Variants in OGFRL1 observed in about 807,000 individuals in gnomAD.
OGFRL1 encodes the protein opioid growth factor receptor like 1.
In OGFRL1, 26 loss-of-function variants were observed where a neutral mutation model predicts 32.4. That is an observed-to-expected ratio of 0.80 (90% CI 0.59 to 1.11). The LOEUF (loss-of-function observed/expected upper bound fraction) is 1.11. Among genes scored for constraint, OGFRL1 ranks in the 50% most tolerant of loss-of-function variants. The pLI is 0.00. For missense variants in OGFRL1, 521 were observed against 546.4 expected, an observed-to-expected ratio of 0.95 and a Z score of 0.46; for synonymous variants, 211 against 201.2, an observed-to-expected ratio of 1.05 and a Z score of -0.41.
chr6:71,296,469 A>G (rs1766213485), intron 4 of OGFRL1, 26 bp from the exon 5 acceptor site: 2 of 1,595,710 alleles, frequency 1.3e-6, no homozygotes, highest in Admixed American at 3.4e-5. Flanking sequence ...GTTAATAGAA[A>G]AATTTTATTT....
chr6:71,289,234 G>A (rs1765961308), intron 1 of OGFRL1, 64 bp downstream of exon 1: 2 of 1,031,154 alleles, frequency 1.9e-6, no homozygotes, highest in Non-Finnish European at 2.3e-6. Flanking sequence ...AGGGGCAAGT[G>A]CCAAGCCGCC....
At chr6:71,293,252 C>A in intron 1 of OGFRL1, 41 bp from the exon 2 acceptor site, 1 of 1,515,842 alleles carries the variant, frequency 6.6e-7, no homozygotes, top group Admixed American at 1.8e-5. Context: ...GTGAAATTAT[C>A]TTGCGTCAAC....
In OGFRL1 at chr6:71,303,499, A is replaced by C. The variant is rs1766461095; in HGVS notation, c.*1450A>C. The C allele has an allele frequency of 6.6e-6, 1 of 152,204 alleles. No homozygotes were observed. The highest frequency in any genetic ancestry group is 1.5e-5 in the Non-Finnish European group (1 of 68,020). The allele number at this position is 152,204 out of a possible 1,614,324, so 9.4% of individuals were successfully genotyped here. Reference sequence around the variant, plus strand: ...TTGCTCTCTATGGCTGTTCCATATAAATTTGATGGTTGATTCTGAATGTAA... The same window carrying C: ...TTGCTCTCTATGGCTGTTCCATATACATTTGATGGTTGATTCTGAATGTAA... On this transcript the variant is annotated 3_prime_UTR_variant, in exon 7 of 7. Coordinates refer to ENST00000370435, the MANE Select transcript of OGFRL1 (RefSeq NM_024576.5).
intron 3 of OGFRL1, 40 bp downstream of exon 3, chr6:71,293,651 T>C: frequency 7.8e-7 from 1 of 1,276,660 alleles, no homozygotes; most frequent in Non-Finnish European, 1.1e-6. Flanking sequence ...CTTTAAATAA[T>C]CACATACACT....
Position 71,288,877 on chromosome 6 carries a change from G to A in OGFRL1, c.-60G>A. ...GCCGCGGCCATGCCCGGGCCCTAGA[G>A]CGCCTGCCGCAGCTTGCGCCCCGCA... On this transcript the variant is annotated 5_prime_UTR_variant, in exon 1 of 7. Transcript: ENST00000370435. 8.5e-7 allele frequency: 1 copy of A among 1,177,426 alleles called. No homozygotes were observed. The highest frequency in any genetic ancestry group is 1.1e-6 in the Non-Finnish European group (1 of 940,420). 72.9% of individuals were successfully genotyped at this position (1,177,426 alleles called of 1,614,324 possible).
At position 71,289,136 on chromosome 6, in the gene OGFRL1, C is replaced by G. The variant is rs1015084837; in HGVS notation, c.200C>G (p.Pro67Arg). 16 of 1,100,760 alleles carry G rather than the reference C, an allele frequency of 1.5e-5. No homozygotes were observed. The highest frequency in any genetic ancestry group is 1.8e-5 in the Non-Finnish European group (16 of 906,416). 68.2% of individuals were successfully genotyped at this position (1,100,760 alleles called of 1,614,324 possible). A position where few individuals can be genotyped will look rare whatever the true frequency, so the allele number is the denominator to read the frequency against. The change falls in exon 1 of 7, where the codon CCG becomes CGG. Residue 67 changes from proline (P) to arginine (R), a missense_variant. By Grantham distance (103) the Pro-to-Arg change is moderately radical (BLOSUM62 -2). Coordinates refer to ENST00000370435, the MANE Select transcript of OGFRL1 (RefSeq NM_024576.5). ...GGGCGGCCCGGCGCCAGCCCCGCGC[C>G]GGACGAGGACGCCGAGGCGGCGGGC... ...AGGRPGASPA[P>R]DEDAEAAGAE...
chr6:71,301,485 T>G lies in OGFRL1; in HGVS notation c.792T>G (p.His264Gln), dbSNP rs879307193. Reference sequence around the variant, plus strand: ...CTCCTCTTGTAAAATTTATTCTTCATGAAGCTCTTGTGGAGAATACTATTC... The same window carrying G: ...CTCCTCTTGTAAAATTTATTCTTCAGGAAGCTCTTGTGGAGAATACTATTC... ...FKSPLVKFIL[H>Q]EALVENTIPN... is the part of the protein sequence containing the mutation. The change falls in exon 7 of 7, where the codon CAT (histidine) becomes CAG (glutamine). Residue 264 changes from histidine (H) to glutamine (Q), a missense_variant. Coordinates refer to ENST00000370435, the MANE Select transcript of OGFRL1 (RefSeq NM_024576.5). The G allele has an allele frequency of 8.7e-6, 14 of 1,613,512 alleles. No homozygotes were observed. The highest frequency in any genetic ancestry group is 1.1e-5 in the Non-Finnish European group (13 of 1,179,838).
At chr6:71,298,125 C>T (rs1440007634) in intron 6 of OGFRL1, among the ~76,000 whole-genome samples, 5 of 151,832 alleles carry the variant, frequency 3.3e-5, no homozygotes, top group Non-Finnish European at 5.9e-5. Flanking sequence ...TGTACTAAAA[C>T]GCTAAAGATA....
At chr6:71,289,840 C>A (rs1765993023) in intron 1 of OGFRL1, 1 of 980,450 alleles carries the variant, frequency 1.0e-6, no homozygotes, top group African/African-American at 1.8e-5. Flanking sequence ...CCCTTAACCT[C>A]TGATGGACTG....
chr6:71,293,706 T>G (rs1051198898), intron 3 of OGFRL1, 95 bp downstream of exon 3: 31 of 858,534 alleles, frequency 3.6e-5, no homozygotes, highest in Middle Eastern at 6.5e-4. Flanking sequence ...TTGGATTTAC[T>G]TTGCTATGCA....
At chr6:71,294,877 A>G (rs1205687890) in intron 3 of OGFRL1, among the ~76,000 whole-genome samples, 1 of 152,214 alleles carries the variant, frequency 6.6e-6, no homozygotes, top group African/African-American at 2.4e-5. Flanking sequence ...ATGCCTTCAC[A>G]TATTAAAAAT....
Position 71,301,873 on chromosome 6 carries a change from A to G in OGFRL1, c.1180A>G (p.Thr394Ala). ...CAATGAAGCTGCCAAGCCAAGAAAT[A>G]CAGAGAAGGACAGTAATGCTGAGAA... ...PSNEAAKPRN[T>A]EKDSNAENMN... The change falls in exon 7 of 7, where the codon ACA (threonine) becomes GCA (alanine). Residue 394 changes from threonine to alanine, a missense_variant. Thr to Ala is a moderately conservative substitution (Grantham distance 58). Coordinates refer to ENST00000370435, the MANE Select transcript of OGFRL1 (RefSeq NM_024576.5). 1 of 1,613,306 alleles carries G rather than the reference A, an allele frequency of 6.2e-7. No individual in the cohort carries two copies.
In OGFRL1 at chr6:71,296,828, C is replaced by T. The variant is rs370999282; in HGVS notation, c.692+11C>T. ...TCAGCATCTGAATGAGTAAGTAAAG[C>T]CCCTGTGATAAATCAGGGGCCAGCA... On this transcript the variant is annotated intron_variant, in intron 6 of 6. Coordinates refer to ENST00000370435, the MANE Select transcript of OGFRL1 (RefSeq NM_024576.5). The T allele has an allele frequency of 1.7e-5, 28 of 1,607,880 alleles. No individual in the cohort carries two copies. The African/African-American group carries it at 2.7e-4, about 15-fold the overall frequency.
chr6:71,292,207 C>T (rs1039457140), intron 1 of OGFRL1, among the ~76,000 whole-genome samples: 18 of 152,270 alleles, frequency 1.2e-4, no homozygotes, highest in Admixed American at 3.9e-4. Context: ...TATTTTGAAA[C>T]GTGTGGCAAG....
At chr6:71,297,714 C>T (rs9364152) in intron 6 of OGFRL1, among the ~76,000 whole-genome samples, 28,503 of 151,866 alleles carry the variant, frequency 0.19, 4,001 homozygotes, top group African/African-American at 0.38. Flanking sequence ...CAGCAGTCTA[C>T]GTTTTGTGCA....
intron 1 of OGFRL1, chr6:71,289,431 A>C: frequency 1.0e-6 from 1 of 985,080 alleles, no homozygotes; most frequent in South Asian, 4.7e-5. Context: ...GGCAGAACCC[A>C]ACTTGAATGG....
rs117546121 is a variant in OGFRL1 at position 71,301,131 on chromosome 6, T to G, written c.693-255T>G. Among the ~76,000 whole-genome samples, 1,039 of 152,358 alleles carry G rather than the reference T, an allele frequency of 6.8e-3. 3 individuals are homozygous for G. Among genetic ancestry groups the G allele is most frequent in the Non-Finnish European group, 0.013 (867 of 68,032 alleles). On this transcript the variant is annotated intron_variant, in intron 6 of 6. Transcript: ENST00000370435. ...AATTTAAACCTAAATATTTTTCTAA[T>G]ATGAAGAACTCAACAGACAAGGGAA...
At position 71,301,634 on chromosome 6, in the gene OGFRL1, C is replaced by T. The variant is rs1454708971; in HGVS notation, c.941C>T (p.Pro314Leu). 26 of 1,613,968 alleles carry T rather than the reference C, an allele frequency of 1.6e-5. No individual in the cohort carries two copies. Among genetic ancestry groups the T allele is most frequent in the African/African-American group, 2.7e-5 (2 of 74,900 alleles). Residue 314 changes from proline (P) to leucine (L), a missense_variant, in exon 7 of 7, where the codon CCG (proline) becomes CTG (leucine). Pro to Leu is a moderately conservative substitution (Grantham distance 98, BLOSUM62 -3). Transcript: ENST00000370435. ...YTPSENFIWG[P>L]PRKEQSEGSK... ...CCTTCAGAGAACTTTATCTGGGGAC[C>T]GCCTCGAAAAGAACAGTCGGAGGGA...
rs551206380 is a variant in OGFRL1 at position 71,301,509 on chromosome 6, T to A, written c.816T>A (p.Ile272=). 1 of 1,614,050 alleles carries A rather than the reference T, an allele frequency of 6.2e-7. No homozygotes were observed. ...ILHEALVENT[I]PNIKQSALEY... ...ATGAAGCTCTTGTGGAGAATACTAT[T>A]CCCAATATTAAGCAGAGTGCTCTAG... The change falls in exon 7 of 7, where the codon ATT becomes ATA. Residue 272 remains isoleucine, a synonymous_variant. Transcript: ENST00000370435.
Sources: gnomAD v4.1 joint callset for allele counts (sites outside exome capture counted in the v4.1 genomes callset) on GRCh38, gnomAD v4.1.1 for gene constraint, MANE v1.5 for transcripts, NCBI Gene and HGNC (gene_info 2026-07-23, HGNC 2026-07-21) for gene names.